KHNYN: variants seen among roughly 807,000 people sequenced by gnomAD.
The protein encoded by KHNYN is KH and NYN domain containing.
KHNYN carries 42 observed loss-of-function variants against 62.7 expected under a neutral mutation model. The observed-to-expected ratio is 0.67, with a 90% CI of 0.52 to 0.87. The LOEUF is 0.87. Among genes scored for constraint, KHNYN ranks in the 40% least tolerant of loss-of-function variants. KHNYN has a pLI of 0.00. For synonymous variants in KHNYN, 347 were observed against 345.6 expected (o/e 1.00, Z -0.04); for missense variants, 829 against 874.1 (o/e 0.95, Z 0.65).
Position 24,437,567 on chromosome 14 carries a change from G to A in KHNYN, c.*282G>A, listed in dbSNP as rs140437464. ...GGGGCTGCTAGAGGGGATTAGTTCC[G>A]GAGACTGAGACTGTTGGCTCCACCT... On this transcript the variant is annotated 3_prime_UTR_variant, in exon 8 of 8. Transcript: ENST00000553935. The surrounding 1 kb of genome is among the most constrained non-coding windows in gnomAD (Gnocchi z 5.5). 0.014 allele frequency: 4,228 copies of A among 310,286 alleles called. 57 individuals carry two copies. Among genetic ancestry groups the A allele is most frequent in the South Asian group, 0.038 (731 of 19,040 alleles). 19.2% of individuals were successfully genotyped at this position (310,286 alleles called of 1,614,324 possible).
chr14:24,428,305 T>C, upstream of KHNYN: 2 of 1,613,872 alleles, frequency 1.2e-6, no homozygotes, highest in Non-Finnish European at 1.7e-6. Flanking sequence ...TTGGCGGTTG[T>C]ACACCTTCAC....
chr14:24,438,393 G>A lies in KHNYN; in HGVS notation c.*1108G>A, dbSNP rs1048728713. The A allele has an allele frequency of 6.6e-6, 1 of 152,596 alleles. No individual in the cohort carries two copies. The highest frequency in any genetic ancestry group is 1.5e-5 in the Non-Finnish European group (1 of 68,038). The allele number at this position is 152,596 out of a possible 1,614,324, so 9.5% of individuals were successfully genotyped here. A position where few individuals can be genotyped will look rare whatever the true frequency, so the allele number is the denominator to read the frequency against. On this transcript the variant is annotated 3_prime_UTR_variant, in exon 8 of 8. Transcript: ENST00000553935. The stretch of plus-strand genomic sequence containing the variant: ...GAAGACGTATGTTGCATAAAGCAAG[G>A]CACACTTCTGCTTTATGTGTGTGTG...
upstream of KHNYN, chr14:24,429,153 T>G: frequency 7.8e-7 from 1 of 1,279,038 alleles, no homozygotes; most frequent in Non-Finnish European, 1.1e-6. Context: ...CCTGATCGTC[T>G]GCCCTCTCTA....
rs1376120586 is a variant in KHNYN, at chr14:24,436,083, A to G, written c.1589A>G (p.Lys530Arg). 1 of 1,614,012 alleles carries G rather than the reference A, an allele frequency of 6.2e-7. No individual in the cohort carries two copies. The highest frequency in any genetic ancestry group is 8.5e-7 in the Non-Finnish European group (1 of 1,180,012). The change falls in exon 6 of 8, where the codon AAG (lysine) becomes AGG (arginine). Residue 530 changes from lysine to arginine, a missense_variant. Physicochemically the swap from Lys to Arg is conservative, Grantham distance 26. Around this residue, in one of 2 missense-constraint regions of KHNYN, gnomAD observed 270 missense variants for 347.1 expected, o/e 0.78. Transcript: ENST00000553935. ...GGTTTTGGAGACAGGTTCATGGTGA[A>G]GCTGGCTGAAGAGACAGATGGGATA... ...ISSYDDRFMV[K>R]LAEETDGIIV...
rs767962890 is a variant in KHNYN at position 24,441,031 on chromosome 14, C to T, written c.*3746C>T. The T allele has an allele frequency of 1.2e-5, 15 of 1,250,632 alleles. No homozygotes were observed. The East Asian group carries it at 2.9e-4, about 24-fold the overall frequency. The allele number at this position is 1,250,632 out of a possible 1,614,324, so 77.5% of individuals were successfully genotyped here. ...CACCTTCTCTGGCCCTTAGGATCTC[C>T]CCATTTGGAGACAGAGCCATTTGGA... On this transcript the variant is annotated 3_prime_UTR_variant, in exon 8 of 8. Transcript: ENST00000553935.
Position 24,431,952 on chromosome 14 carries a change from G to C in KHNYN, c.691G>C (p.Gly231Arg), listed in dbSNP as rs780185428. 1 of 1,613,240 alleles carries C rather than the reference G, an allele frequency of 6.2e-7. No individual in the cohort carries two copies. Among genetic ancestry groups the C allele is most frequent in the African/African-American group, 1.3e-5 (1 of 74,926 alleles). The stretch of plus-strand genomic sequence containing the variant: ...AGGAGTGAGAGCTCCCCCTAGTGAC[G>C]GCAGGGAGTCCCTGGACACTGGATC... The part of the protein sequence containing the change: ...CQGVRAPPSD[G>R]RESLDTGSMG... The change falls in exon 3 of 8, where the codon GGC becomes CGC. Residue 231 changes from glycine to arginine, a missense_variant. Physicochemically the swap from Gly to Arg is moderately radical, Grantham distance 125. Coordinates refer to ENST00000553935, the MANE Select transcript of KHNYN (RefSeq NM_015299.3).
At chr14:24,427,630 C>T, upstream of KHNYN, 2 of 728,906 alleles carry the variant, frequency 2.7e-6, no homozygotes, top group Middle Eastern at 4.0e-4. The surrounding 1 kb of genome is among the most constrained non-coding windows in gnomAD (Gnocchi z 4.4). Flanking sequence ...CACAGCTCTA[C>T]TCTTCTCTTA....
chr14:24,441,358 A>G lies in KHNYN; in HGVS notation c.*4073A>G, dbSNP rs1057043864. 2 of 461,304 alleles carry G rather than the reference A, an allele frequency of 4.3e-6. No individual in the cohort carries two copies. Among genetic ancestry groups the G allele is most frequent in the Non-Finnish European group, 7.7e-6 (2 of 260,296 alleles). The allele number at this position is 461,304 out of a possible 1,614,324, so 28.6% of individuals were successfully genotyped here. ...ACACTTCAAATAGTGGCTGGTGTGT[A>G]TAATTGTTTGCAATTACTTGGTCCC... On this transcript the variant is annotated 3_prime_UTR_variant, in exon 8 of 8. Transcript: ENST00000553935.
chr14:24,431,432 C>G, intron 2 of KHNYN, 31 bp from the exon 3 acceptor site: 1 of 1,529,324 alleles, frequency 6.5e-7, no homozygotes, highest in East Asian at 2.3e-5. Context: ...AGTTAGTTTA[C>G]TTTTCCTGAC....
chr14:24,436,592 T>A, intron 7 of KHNYN, 103 bp downstream of exon 7: 1 of 826,612 alleles, frequency 1.2e-6, no homozygotes, highest in Non-Finnish European at 1.9e-6. Context: ...TGGGCCAGCT[T>A]AATTTTGCAG....
At chr14:24,429,797 G>A (rs946364458), upstream of KHNYN, 12 of 1,084,382 alleles carry the variant, frequency 1.1e-5, no homozygotes, top group Non-Finnish European at 1.4e-5. Flanking sequence ...GGGAGGGCTG[G>A]TGAGAAGCGC....
In KHNYN at chr14:24,432,683, T is replaced by C. The variant is rs771246977; in HGVS notation, c.1350-39T>C. On this transcript the variant is annotated intron_variant, in intron 3 of 7. Transcript: ENST00000553935. This position sits in a 1 kb window ranked among gnomAD's most constrained non-coding sequence, Gnocchi z 5.6. ...TGAGGGGCTGGCATTGTAGCCAGGG[T>C]GCCAAGCCCCTCCTCTGGCCGACCC... 7 of 1,613,732 alleles carry C rather than the reference T, an allele frequency of 4.3e-6. No individual in the cohort carries two copies. The South Asian group carries it at 6.6e-5, about 15-fold the overall frequency.
upstream of KHNYN, chr14:24,427,686 G>C: frequency 9.6e-7 from 1 of 1,045,856 alleles, no homozygotes; most frequent in African/African-American, 1.6e-5. This position sits in a 1 kb window ranked among gnomAD's most constrained non-coding sequence, Gnocchi z 4.4. Flanking sequence ...GGTGGGATAG[G>C]AGCCAGAGGG....
chr14:24,432,812 T>C lies in KHNYN; in HGVS notation c.1440T>C (p.Phe480=). The C allele has an allele frequency of 6.2e-7, 1 of 1,614,256 alleles. No homozygotes were observed. The highest frequency in any genetic ancestry group is 1.1e-5 in the South Asian group (1 of 91,086). Residue 480 remains phenylalanine, a synonymous_variant, in exon 4 of 8, where the codon TTT becomes TTC. Coordinates refer to ENST00000553935, the MANE Select transcript of KHNYN (RefSeq NM_015299.3). This position sits in a 1 kb window ranked among gnomAD's most constrained non-coding sequence, Gnocchi z 5.6. The part of the protein sequence containing the change: ...WDRGHRDITV[F]VPQWRFSKDA... Reference sequence around the variant, plus strand: ...GTGGTCACCGTGACATAACTGTCTTTGTGCCTCAGTGGCGCTTCAGTAAGG... The same window carrying C: ...GTGGTCACCGTGACATAACTGTCTTCGTGCCTCAGTGGCGCTTCAGTAAGG...
intron 2 of KHNYN, 85 bp downstream of exon 2, chr14:24,431,016 G>A (rs2043101907): frequency 6.9e-6 from 9 of 1,299,116 alleles, no homozygotes; most frequent in Middle Eastern, 2.0e-4. Context: ...GGAGAGCAGG[G>A]AAGAGGAGGG....
chr14:24,428,960 G>C (rs1023939619), upstream of KHNYN: 9 of 1,551,514 alleles, frequency 5.8e-6, no homozygotes, highest in South Asian at 1.2e-5. Context: ...CCCCTCCTGG[G>C]CCCACCCGGC....
At chr14:24,436,354 C>A (rs368188765) in intron 6 of KHNYN, 34 bp from the exon 7 acceptor site, 3 of 1,586,930 alleles carry the variant, frequency 1.9e-6, no homozygotes, top group East Asian at 2.2e-5. Context: ...GCAAGGGCCC[C>A]CTCTGTGACC....
Position 24,440,200 on chromosome 14 carries a change from T to C in KHNYN, c.*2915T>C. ...CCTCCAGCAGCATGATGGCACGCTG[T>C]CGCCCAAAGACAGCTTGCACCACAG... On this transcript the variant is annotated 3_prime_UTR_variant, in exon 8 of 8. Coordinates refer to ENST00000553935, the MANE Select transcript of KHNYN (RefSeq NM_015299.3). The C allele has an allele frequency of 1.9e-6, 3 of 1,613,992 alleles. No homozygotes were observed. The highest frequency in any genetic ancestry group is 2.5e-6 in the Non-Finnish European group (3 of 1,179,844).
intron 5 of KHNYN, 64 bp downstream of exon 5, chr14:24,433,096 A>G (rs752945333): frequency 7.0e-6 from 10 of 1,429,978 alleles, no homozygotes; most frequent in Non-Finnish European, 9.9e-6. Flanking sequence ...ACTGAGGGAG[A>G]GAGAAAAGCT....
Sources: allele counts gnomAD v4.1 joint callset, GRCh38; gene constraint gnomAD v4.1.1; regional missense constraint gnomAD v4.1.1; non-coding constraint Gnocchi (gnomAD v3.1); transcripts MANE v1.5; gene names NCBI Gene and HGNC (gene_info 2026-07-23, HGNC 2026-07-21).